Variants in SLC35F4 observed in about 807,000 individuals in gnomAD.
SLC35F4 encodes the protein solute carrier family 35 member F4, also known as chromosome 14 open reading frame 36.
Under a neutral mutation model 44.2 loss-of-function variants are expected in SLC35F4, and 24 were observed. The ratio of observed to expected loss-of-function variants is 0.54; its 90% CI spans 0.39 to 0.76. SLC35F4 has a LOEUF of 0.76. Ranked by LOEUF, SLC35F4 falls within the 30% of genes least tolerant of loss-of-function variation. The pLI is 0.00. For missense variants in SLC35F4, 562 were observed against 586.1 expected (o/e 0.96, Z 0.42); for synonymous variants, 238 against 223.6 (o/e 1.06, Z -0.57).
At chr14:57,816,626 A>G (rs1882627742) in intron 1 of SLC35F4, among the ~76,000 whole-genome samples, 1 of 152,256 alleles carries the variant, frequency 6.6e-6, no homozygotes, top group Non-Finnish European at 1.5e-5. Context: ...TGAACGCTGT[A>G]TATTCATAAG....
At chr14:57,917,227 A>C (rs1889346988) in intron 1 of SLC35F4, among the ~76,000 whole-genome samples, 1 of 151,782 alleles carries the variant, frequency 6.6e-6, no homozygotes, top group African/African-American at 2.4e-5. Context: ...CTCCCCACTA[A>C]TTTTTGTATT....
chr14:57,672,488 T>C (rs546737077), intron 1 of SLC35F4, among the ~76,000 whole-genome samples: 13 of 152,256 alleles, frequency 8.5e-5, no homozygotes, highest in Admixed American at 8.5e-4. Flanking sequence ...TTCAGGTCCC[T>C]GGCACTTTTT....
chr14:57,969,743 T>C (rs1180127756), intron 1 of SLC35F4, among the ~76,000 whole-genome samples: 5 of 152,236 alleles, frequency 3.3e-5, no homozygotes, highest in African/African-American at 9.6e-5. Flanking sequence ...GATATGCTCA[T>C]ATTATAAATA....
intron 1 of SLC35F4, among the ~76,000 whole-genome samples, chr14:57,676,564 C>T (rs1379162692): frequency 6.6e-6 from 1 of 151,978 alleles, no homozygotes; most frequent in Non-Finnish European, 1.5e-5. Flanking sequence ...GCACATGTAT[C>T]CTGGAACTTA....
intron 1 of SLC35F4, among the ~76,000 whole-genome samples, chr14:57,643,286 A>G (rs1242606387): frequency 6.6e-6 from 1 of 152,100 alleles, no homozygotes; most frequent in African/African-American, 2.4e-5. Context: ...TTAATTATTG[A>G]GTAATGCATA....
rs546411522 is a variant in SLC35F4, at chr14:57,592,829, T to C, written c.289+1110A>G. 2.0e-5 allele frequency among the ~76,000 whole-genome samples: 3 copies of C among 152,292 alleles called. No individual in the cohort carries two copies. The South Asian group carries it at 6.2e-4, about 32-fold the overall frequency. On this transcript the variant is annotated intron_variant, in intron 2 of 7. Transcript: ENST00000556826. Reference sequence around the variant, plus strand: ...ATTTTTTTAAGGCAGTTTTCCCAAATTTCTGGAGGTTTTTATTGTTGTTGT... The same window carrying C: ...ATTTTTTTAAGGCAGTTTTCCCAAACTTCTGGAGGTTTTTATTGTTGTTGT...
chr14:57,680,326 C>T (rs2074852177), intron 1 of SLC35F4, among the ~76,000 whole-genome samples: 1 of 152,078 alleles, frequency 6.6e-6, no homozygotes. Flanking sequence ...TTCAACAGCC[C>T]TTCATGCTAA....
At chr14:57,920,534 T>C (rs1160434984) in intron 1 of SLC35F4, among the ~76,000 whole-genome samples, 1 of 152,068 alleles carries the variant, frequency 6.6e-6, no homozygotes, top group Non-Finnish European at 1.5e-5. Context: ...GATCACACGA[T>C]TGCACTGCAG....
At chr14:57,938,829 G>A (rs1191560090) in intron 1 of SLC35F4, among the ~76,000 whole-genome samples, 7 of 152,266 alleles carry the variant, frequency 4.6e-5, no homozygotes, top group South Asian at 2.1e-4. Context: ...ACATGCTACC[G>A]ATTGGGGTTT....
Position 57,702,074 on chromosome 14 carries a change from G to A in SLC35F4, c.104-107950C>T, listed in dbSNP as rs559267050. On this transcript the variant is annotated intron_variant, in intron 1 of 7. Transcript: ENST00000556826. ...TGTTTGGAAAACAGGATGCTTCAAA[G>A]GCTACCACAAAGTTACAGGAAAACA... Among the ~76,000 whole-genome samples the A allele has an allele frequency of 2.6e-5, 4 of 152,238 alleles. No homozygotes were observed. In the South Asian group the frequency reaches 8.3e-4, roughly 32 times the overall value.
chr14:57,615,737 A>G (rs1455924523), intron 1 of SLC35F4, among the ~76,000 whole-genome samples: 1 of 152,206 alleles, frequency 6.6e-6, no homozygotes, highest in Non-Finnish European at 1.5e-5. Context: ...CTTTTACCAA[A>G]GGATATAGTT....
At chr14:57,592,990 A>G (rs2070282864) in intron 2 of SLC35F4, among the ~76,000 whole-genome samples, 2 of 152,334 alleles carry the variant, frequency 1.3e-5, no homozygotes, top group South Asian at 4.1e-4. Flanking sequence ...CAAATGGGCC[A>G]GAAGAGATGT....
chr14:57,778,433 A>G (rs919000452), intron 1 of SLC35F4, among the ~76,000 whole-genome samples: 2 of 152,186 alleles, frequency 1.3e-5, no homozygotes, highest in Admixed American at 6.5e-5. Flanking sequence ...AGAGCTAACT[A>G]TCCTAAATAT....
chr14:57,865,070 C>G (rs1467424552), intron 1 of SLC35F4, among the ~76,000 whole-genome samples: 1 of 80,426 alleles, frequency 1.2e-5, no homozygotes, highest in Non-Finnish European at 2.7e-5. Flanking sequence ...CCCCCCCCCC[C>G]ACGCCCCCAG....
intron 1 of SLC35F4, among the ~76,000 whole-genome samples, chr14:57,807,345 C>A (rs969035264): frequency 2.0e-5 from 3 of 149,758 alleles, no homozygotes; most frequent in Non-Finnish European, 4.4e-5. Flanking sequence ...GTAGTTCTGC[C>A]TAACTCAGAG....
chr14:57,859,363 G>T (rs1427079380), intron 1 of SLC35F4, among the ~76,000 whole-genome samples: 3 of 152,042 alleles, frequency 2.0e-5, no homozygotes, highest in African/African-American at 7.2e-5. Flanking sequence ...AGACTGAAAG[G>T]ATATATACCA....
At chr14:57,718,845 G>T (rs1252339712) in intron 1 of SLC35F4, among the ~76,000 whole-genome samples, 1 of 152,004 alleles carries the variant, frequency 6.6e-6, no homozygotes, top group African/African-American at 2.4e-5. Flanking sequence ...TTTTAATGTG[G>T]TGTGATCCCA....
At chr14:57,665,894 C>G (rs1425433019) in intron 1 of SLC35F4, among the ~76,000 whole-genome samples, 1 of 152,138 alleles carries the variant, frequency 6.6e-6, no homozygotes, top group Non-Finnish European at 1.5e-5. Flanking sequence ...AACCAACTAC[C>G]ACATGTTCTC....
At chr14:57,869,961 A>T (rs1043504741), upstream of SLC35F4, among the ~76,000 whole-genome samples, 2 of 152,202 alleles carry the variant, frequency 1.3e-5, no homozygotes, top group Non-Finnish European at 2.9e-5. Context: ...GGGTGTCTGT[A>T]TGAGAAGACA....
Sources: allele counts gnomAD v4.1 joint callset (sites outside exome capture counted in the v4.1 genomes callset), GRCh38; gene constraint gnomAD v4.1.1; transcripts MANE v1.5; gene names NCBI Gene and HGNC (gene_info 2026-07-23, HGNC 2026-07-21).